SUGP1: variants seen among roughly 807,000 people sequenced by gnomAD.
SUGP1 encodes SURP and G-patch domain-containing protein 1.
Under a neutral mutation model 76.5 loss-of-function variants are expected in SUGP1, and 34 were observed. The ratio of observed to expected loss-of-function variants is 0.44; its 90% CI spans 0.34 to 0.59. The LOEUF (loss-of-function observed/expected upper bound fraction) is 0.59, where lower values mean the gene tolerates loss of function less well. Among genes scored for constraint, SUGP1 ranks in the 20% least tolerant of loss-of-function variants. The pLI, the probability that SUGP1 is intolerant of heterozygous loss-of-function variation, is 0.01. For synonymous variants in SUGP1, 326 were observed against 326.2 expected (o/e 1.00, Z 0.01); for missense variants, 752 against 851.7 (o/e 0.88, Z 1.46).
At chr19:19,279,412 G>A (rs1452392429) in intron 9 of SUGP1, 22 bp from the exon 10 acceptor site, 3 of 1,579,388 alleles carry the variant, frequency 1.9e-6, no homozygotes, top group Admixed American at 1.7e-5. Flanking sequence ...ACTCGCCAGT[G>A]AGCCAGGGCA....
chr19:19,280,576 C>T (rs2061090731), intron 8 of SUGP1: 1 of 389,562 alleles, frequency 2.6e-6, no homozygotes, highest in Non-Finnish European at 4.8e-6. Flanking sequence ...GGGACTCACT[C>T]AGGGTCACAC....
At chr19:19,317,763 C>T (rs1226706542) in intron 1 of SUGP1, among the ~76,000 whole-genome samples, 1 of 151,178 alleles carries the variant, frequency 6.6e-6, no homozygotes, top group Non-Finnish European at 1.5e-5. Context: ...CCTTGGCCTC[C>T]CAAAGTGCTG....
Position 19,297,045 on chromosome 19 carries a change from A to C in SUGP1, c.1187T>G (p.Leu396Arg). ...CCTCTGCACCAGTTCAGCAGGTGGG[A>C]GCTCTACCTTATCCTCTTCAGGCCC... ...RWGPEEDKVE[L>R]PPAELVQRDV... is the part of the protein sequence containing the mutation. Residue 396 changes from leucine (L) to arginine (R), a missense_variant, in exon 8 of 14, where the codon CTC becomes CGC. Around this residue, in one of 2 missense-constraint regions of SUGP1, gnomAD observed 620 missense variants for 617.3 expected, o/e 1.00. Transcript: ENST00000247001. 1.2e-6 allele frequency: 2 copies of C among 1,608,874 alleles called. 1 individual carries two copies. The highest frequency in any genetic ancestry group is 2.2e-5 in the South Asian group (2 of 90,816).
At chr19:19,283,041 C>T (rs2061111581) in intron 8 of SUGP1, among the ~76,000 whole-genome samples, 1 of 150,056 alleles carries the variant, frequency 6.7e-6, no homozygotes, top group African/African-American at 2.5e-5. Context: ...CGTGCTACTA[C>T]ACTCCAGCCT....
At chr19:19,295,996 G>C (rs549326796) in intron 8 of SUGP1, among the ~76,000 whole-genome samples, 54 of 152,250 alleles carry the variant, frequency 3.5e-4, no homozygotes, top group African/African-American at 1.2e-3. Flanking sequence ...CCCAGACGAC[G>C]AGATATCACT....
At chr19:19,294,622 T>C (rs1421281491) in intron 8 of SUGP1, among the ~76,000 whole-genome samples, 2 of 151,420 alleles carry the variant, frequency 1.3e-5, no homozygotes, top group Non-Finnish European at 2.9e-5. Context: ...GATTTGGCAA[T>C]TGTTCCTTAA....
chr19:19,282,486 A>G (rs1431469182), intron 8 of SUGP1, among the ~76,000 whole-genome samples: 1 of 151,904 alleles, frequency 6.6e-6, no homozygotes, highest in Non-Finnish European at 1.5e-5. Context: ...AAAGACACAA[A>G]TACAGTCAGG....
chr19:19,286,265 C>T (rs2061139243), intron 8 of SUGP1, among the ~76,000 whole-genome samples: 1 of 152,212 alleles, frequency 6.6e-6, no homozygotes, highest in African/African-American at 2.4e-5. Flanking sequence ...TGCATCCAAA[C>T]AAGGTCTCTA....
chr19:19,312,164 C>T (rs78844461), intron 2 of SUGP1, among the ~76,000 whole-genome samples: 5,206 of 151,760 alleles, frequency 0.034, 144 homozygotes, highest in Non-Finnish European at 0.048. Context: ...GAGGTCAAGG[C>T]GGAAGTGGGC....
chr19:19,280,403 G>A (rs934774115), intron 8 of SUGP1, 112 bp from the exon 9 acceptor site: 20 of 939,356 alleles, frequency 2.1e-5, no homozygotes, highest in Non-Finnish European at 2.3e-5. Flanking sequence ...AGGCACACGG[G>A]GACCTCATAT....
chr19:19,306,117 G>C (rs760634727), intron 3 of SUGP1, 41 bp from the exon 4 acceptor site: 1 of 1,480,586 alleles, frequency 6.8e-7, no homozygotes, highest in Non-Finnish European at 9.0e-7. Flanking sequence ...GGATCTGCAG[G>C]GCACCTCTCC....
intron 7 of SUGP1, 97 bp downstream of exon 7, chr19:19,302,168 C>G (rs1249218780): frequency 6.5e-7 from 1 of 1,530,992 alleles, no homozygotes; most frequent in Non-Finnish European, 8.8e-7. Flanking sequence ...CACAGTGGGA[C>G]CCCAGCAGGT....
At chr19:19,280,541 G>A (rs2061090471) in intron 8 of SUGP1, 2 of 473,910 alleles carry the variant, frequency 4.2e-6, no homozygotes, top group Admixed American at 3.4e-5. Flanking sequence ...CATTGCAGAT[G>A]TGGACACCAA....
At chr19:19,287,502 C>T (rs1434217959) in intron 8 of SUGP1, among the ~76,000 whole-genome samples, 3 of 152,212 alleles carry the variant, frequency 2.0e-5, no homozygotes, top group South Asian at 2.1e-4. Flanking sequence ...GCAGAGGCTG[C>T]AGTGAGCTGA....
intron 4 of SUGP1, among the ~76,000 whole-genome samples, chr19:19,305,233 C>G (rs1433644280): frequency 3.9e-5 from 6 of 152,194 alleles, no homozygotes; most frequent in Non-Finnish European, 8.8e-5. Flanking sequence ...ACCGGCTAGC[C>G]CTTCACACAG....
chr19:19,316,815 G>A (rs567528567), intron 1 of SUGP1, among the ~76,000 whole-genome samples: 1 of 152,242 alleles, frequency 6.6e-6, no homozygotes, highest in East Asian at 1.9e-4. Flanking sequence ...ACTCGCTTCA[G>A]GCTGGGAAGA....
At chr19:19,318,321 T>C (rs190187507) in intron 1 of SUGP1, among the ~76,000 whole-genome samples, 46 of 151,542 alleles carry the variant, frequency 3.0e-4, no homozygotes, top group African/African-American at 1.1e-3. Context: ...GGCTTCACCA[T>C]GTTGGCCAGG....
Position 19,303,459 on chromosome 19 carries a change from GGAAGTTTGCA to G in SUGP1, c.663-21_663-12del, listed in dbSNP as rs768830006. 6 of 1,609,238 alleles carry G rather than the reference GGAAGTTTGCA, an allele frequency of 3.7e-6. No individual in the cohort carries two copies. The East Asian group carries it at 1.3e-4, about 36-fold the overall frequency. On this transcript the variant is annotated splice_polypyrimidine_tract_variant and intron_variant, in intron 5 of 13. Coordinates refer to ENST00000247001, the MANE Select transcript of SUGP1 (RefSeq NM_172231.4). ...TTATCGTGCAAAAATCTGGAGAGGA[GGAAGTTTGCA>G]GAAGAGAGGGGAAAATAAGTATCTG...
At chr19:19,314,002 A>T (rs954123266) in intron 2 of SUGP1, among the ~76,000 whole-genome samples, 7 of 151,930 alleles carry the variant, frequency 4.6e-5, no homozygotes, top group Non-Finnish European at 1.0e-4. Flanking sequence ...GCCGGGCACG[A>T]TGGTGGGTTC....
Sources: allele counts gnomAD v4.1 joint callset (sites outside exome capture counted in the v4.1 genomes callset), GRCh38; gene constraint gnomAD v4.1.1; regional missense constraint gnomAD v4.1.1; transcripts MANE v1.5; gene names NCBI Gene and HGNC (gene_info 2026-07-23, HGNC 2026-07-21).